Variants in LIMCH1 observed in about 807,000 individuals in gnomAD.
LIMCH1 encodes the protein LIM and calponin homology domains 1.
Under a neutral mutation model 176.5 loss-of-function variants are expected in LIMCH1, and 113 were observed. That is an observed-to-expected ratio of 0.64 (90% confidence interval 0.55 to 0.75). The LOEUF is 0.75. Among genes scored for constraint, LIMCH1 ranks in the 30% least tolerant of loss-of-function variants. The pLI, the probability that LIMCH1 is intolerant of heterozygous loss-of-function variation, is 0.00. For synonymous variants in LIMCH1, 619 were observed against 645.9 expected, an observed-to-expected ratio of 0.96 and a Z score of 0.63; for missense variants, 1,674 against 1,814.9, an observed-to-expected ratio of 0.92 and a Z score of 1.41.
At chr4:41,530,923 AC>A (rs1184957508) in intron 3 of LIMCH1, among the ~76,000 whole-genome samples, 12 of 135,780 alleles carry the variant, frequency 8.8e-5, no homozygotes, top group African/African-American at 3.5e-4. Context: ...TCACATTCCT[AC>A]CCTGCCCCAG....
At chr4:41,517,218 G>C (rs2075669883) in intron 2 of LIMCH1, among the ~76,000 whole-genome samples, 1 of 152,086 alleles carries the variant, frequency 6.6e-6, no homozygotes, top group Non-Finnish European at 1.5e-5. Context: ...GTTTGAGAGG[G>C]TTTTTAGGGC....
chr4:41,481,682 T>C (rs991628715), intron 1 of LIMCH1, among the ~76,000 whole-genome samples: 1 of 151,536 alleles, frequency 6.6e-6, no homozygotes, highest in African/African-American at 2.4e-5. Context: ...TGAAATATAT[T>C]TTGGGGGGAG....
intron 1 of LIMCH1, among the ~76,000 whole-genome samples, chr4:41,549,107 C>T (rs986175642): frequency 6.6e-6 from 1 of 151,526 alleles, no homozygotes; most frequent in African/African-American, 2.4e-5. Flanking sequence ...CTGGGCTGGT[C>T]TCAAACTCCC....
At chr4:41,695,965 T>G (rs968461413) in intron 31 of LIMCH1, among the ~76,000 whole-genome samples, 4 of 152,142 alleles carry the variant, frequency 2.6e-5, no homozygotes, top group Non-Finnish European at 4.4e-5. Flanking sequence ...AAAATTTGAT[T>G]TAAATTGAGA....
chr4:41,584,006 T>A (rs1263717969), intron 1 of LIMCH1, among the ~76,000 whole-genome samples: 1 of 152,132 alleles, frequency 6.6e-6, no homozygotes, highest in Non-Finnish European at 1.5e-5. Flanking sequence ...GTAAATATGA[T>A]AGGGATAATG....
intron 1 of LIMCH1, among the ~76,000 whole-genome samples, chr4:41,481,071 T>A (rs2068534555): frequency 6.6e-6 from 1 of 152,116 alleles, no homozygotes; most frequent in Non-Finnish European, 1.5e-5. Context: ...AACAGTACCT[T>A]CTGGTTTTCT....
At chr4:41,483,059 G>A (rs952087807) in intron 1 of LIMCH1, among the ~76,000 whole-genome samples, 10 of 152,142 alleles carry the variant, frequency 6.6e-5, no homozygotes, top group East Asian at 1.9e-4. Context: ...GGGCTGGATC[G>A]AATGAGGGTT....
intron 18 of LIMCH1, among the ~76,000 whole-genome samples, chr4:41,659,023 T>C (rs1458234635): frequency 2.6e-5 from 4 of 152,244 alleles, no homozygotes; most frequent in Non-Finnish European, 5.9e-5. Context: ...TATTTCTACA[T>C]GTGCAAGACA....
chr4:41,459,876 A>G (rs2065078193), intron 1 of LIMCH1, among the ~76,000 whole-genome samples: 1 of 152,134 alleles, frequency 6.6e-6, no homozygotes, highest in African/African-American at 2.4e-5. Context: ...AAGCTAGAGC[A>G]TGGAGGAGAA....
At chr4:41,582,844 A>G (rs888554456) in intron 1 of LIMCH1, among the ~76,000 whole-genome samples, 1 of 152,170 alleles carries the variant, frequency 6.6e-6, no homozygotes, top group Non-Finnish European at 1.5e-5. Context: ...AGTTGGAGGG[A>G]AAGACTATGT....
chr4:41,419,164 TTTCATTTTATTTTATTTAATTTTA>T lies in LIMCH1; in HGVS notation c.96+58231_96+58254del, dbSNP rs1185972200. On this transcript the variant is annotated intron_variant, in intron 1 of 26. Transcript: ENST00000313860. ...TTTTATTTTATTTTATTTTATTTTA[TTTCATTTTATTTTATTTAATTTTA>T]TTATTTTGAGACGGAGTCTAGCTCT... 4.4e-3 allele frequency among the ~76,000 whole-genome samples: 372 copies of T among 84,680 alleles called. 1 individual carries two copies. The highest frequency in any genetic ancestry group is 0.018 in the Middle Eastern group (3 of 166). 55.6% of individuals were successfully genotyped at this position (84,680 alleles called of 152,430 possible).
intron 1 of LIMCH1, among the ~76,000 whole-genome samples, chr4:41,448,619 C>T (rs2063519485): frequency 6.6e-6 from 1 of 151,786 alleles, no homozygotes. Context: ...TTAAAATATG[C>T]AAATCATGCT....
upstream of LIMCH1, chr4:41,359,686 G>A (rs958750621): frequency 2.0e-5 from 3 of 152,080 alleles, no homozygotes; most frequent in African/African-American, 7.2e-5. Flanking sequence ...GAGGAGATGA[G>A]GAACCTTCTG....
intron 1 of LIMCH1, among the ~76,000 whole-genome samples, chr4:41,544,333 A>G (rs1039401266): frequency 3.3e-5 from 5 of 152,200 alleles, no homozygotes; most frequent in Non-Finnish European, 7.3e-5. Flanking sequence ...ATACACTGAA[A>G]CTTATAAGAA....
intron 2 of LIMCH1, among the ~76,000 whole-genome samples, chr4:41,499,749 C>T (rs1336576934): frequency 1.3e-5 from 2 of 151,992 alleles, no homozygotes; most frequent in South Asian, 4.1e-4. Context: ...ACCCGGGAGG[C>T]GGAGATTGCA....
chr4:41,548,281 T>C (rs373863660), intron 1 of LIMCH1, among the ~76,000 whole-genome samples: 5 of 152,290 alleles, frequency 3.3e-5, no homozygotes, highest in African/African-American at 1.2e-4. Context: ...CATTTCTGTT[T>C]CTCATTTGTA....
In LIMCH1 at chr4:41,662,962, T is replaced by C; in HGVS notation, c.3269T>C (p.Val1090Ala). Residue 1090 changes from valine to alanine, a missense_variant, in exon 20 of 32, where the codon GTG (valine) becomes GCG (alanine). By Grantham distance (64) the Val-to-Ala change is moderately conservative (BLOSUM62 0). Coordinates refer to ENST00000503057, the MANE Select transcript of LIMCH1 (RefSeq NM_001330672.2). ...KKPENEMSGK[V>A]ELVLSQKVVK... ...CCAGAAAATGAAATGAGTGGAAAGG[T>C]GGAGTTGGTGCTGTCACAAAAGGTG... 6.2e-7 allele frequency: 1 copy of C among 1,613,324 alleles called. No homozygotes were observed. Among genetic ancestry groups the C allele is most frequent in the Non-Finnish European group, 8.5e-7 (1 of 1,179,764 alleles).
chr4:41,471,582 GT>G (rs1359953952), intron 1 of LIMCH1, among the ~76,000 whole-genome samples: 1 of 152,134 alleles, frequency 6.6e-6, no homozygotes, highest in African/African-American at 2.4e-5. Flanking sequence ...GAATTACTTG[GT>G]CATATAGCTA....
At chr4:41,667,755 G>T (rs889454441) in intron 21 of LIMCH1, among the ~76,000 whole-genome samples, 1 of 152,146 alleles carries the variant, frequency 6.6e-6, no homozygotes, top group Non-Finnish European at 1.5e-5. Flanking sequence ...TGGAGGATGG[G>T]TTCTGAGAAT....
Sources: allele counts gnomAD v4.1 joint callset (sites outside exome capture counted in the v4.1 genomes callset), GRCh38; gene constraint gnomAD v4.1.1; transcripts MANE v1.5; gene names NCBI Gene and HGNC (gene_info 2026-07-23, HGNC 2026-07-21).